The following PLCB1 variants were observed in gnomAD, a reference collection of about 807,000 sequenced individuals.
The protein encoded by PLCB1 is 1-phosphatidylinositol 4,5-bisphosphate phosphodiesterase beta-1.
In PLCB1, 46 loss-of-function variants were observed where a neutral mutation model predicts 161.8. The ratio of observed to expected loss-of-function variants is 0.28; its 90% CI spans 0.22 to 0.36. The LOEUF (loss-of-function observed/expected upper bound fraction) is 0.36, where lower values mean the gene tolerates loss of function less well. PLCB1 is among the 10% of genes least tolerant of loss of function. PLCB1 has a pLI of 1.00. For synonymous variants in PLCB1, 517 were observed against 503.7 expected, an observed-to-expected ratio of 1.03 and a Z score of -0.35; for missense variants, 1,016 against 1,472.5, an observed-to-expected ratio of 0.69 and a Z score of 5.07.
At chr20:8,784,647 T>C (rs191352682) in intron 27 of PLCB1, among the ~76,000 whole-genome samples, 2 of 151,878 alleles carry the variant, frequency 1.3e-5, no homozygotes, top group Admixed American at 6.6e-5. Flanking sequence ...CTGAGTACAG[T>C]AGGACATTTA....
intron 2 of PLCB1, among the ~76,000 whole-genome samples, chr20:8,180,032 G>A (rs2051824448): frequency 6.6e-6 from 1 of 151,420 alleles, no homozygotes; most frequent in Non-Finnish European, 1.5e-5. Flanking sequence ...CTAATTTTTT[G>A]TATTTTTAGT....
chr20:8,656,041 G>A (rs917548292), intron 7 of PLCB1, among the ~76,000 whole-genome samples: 1 of 152,002 alleles, frequency 6.6e-6, no homozygotes, highest in Non-Finnish European at 1.5e-5. Context: ...CAATTCACAA[G>A]AAGTCCCCAC....
At chr20:8,549,239 C>T (rs6039190) in intron 3 of PLCB1, among the ~76,000 whole-genome samples, 77,235 of 151,938 alleles carry the variant, frequency 0.51, 20,010 homozygotes, top group African/African-American at 0.54. Context: ...GGTACTGTTA[C>T]AGTTGATATA....
At chr20:8,211,612 A>T (rs1346730292) in intron 2 of PLCB1, among the ~76,000 whole-genome samples, 2 of 152,152 alleles carry the variant, frequency 1.3e-5, no homozygotes, top group African/African-American at 4.8e-5. Context: ...AGGATGCAGA[A>T]TGATGGATAT....
At chr20:8,797,349 C>T (rs1354570308) in intron 31 of PLCB1, among the ~76,000 whole-genome samples, 1 of 152,024 alleles carries the variant, frequency 6.6e-6, no homozygotes, top group Non-Finnish European at 1.5e-5. Flanking sequence ...TCTGCAAAAA[C>T]TCTAAACTAT....
Position 8,132,711 on chromosome 20 carries a change from C to T in PLCB1, c.60C>T (p.Asp20=). 6.2e-7 allele frequency: 1 copy of T among 1,613,074 alleles called. No homozygotes were observed. Among genetic ancestry groups the T allele is most frequent in the South Asian group, 1.1e-5 (1 of 91,046 alleles). ...AACTCAAGCCCGTGTGCGTGTCCGA[C>T]AGCCTCAAGAAGGGCACCAAATTCG... ...ALQLKPVCVS[D]SLKKGTKFVK... is the part of the protein sequence containing the mutation. The change falls in exon 1 of 32, where the codon GAC becomes GAT. Residue 20 remains aspartate (D), a synonymous_variant. Transcript: ENST00000338037. The surrounding 1 kb of genome is among the most constrained non-coding windows in gnomAD (Gnocchi z 5.2).
intron 2 of PLCB1, among the ~76,000 whole-genome samples, chr20:8,354,537 C>A (rs1986296841): frequency 6.6e-6 from 1 of 152,156 alleles, no homozygotes. Flanking sequence ...AACCTTACAA[C>A]ACAAGGCAAG....
At chr20:8,172,053 C>T (rs2051737978) in intron 2 of PLCB1, among the ~76,000 whole-genome samples, 1 of 152,118 alleles carries the variant, frequency 6.6e-6, no homozygotes, top group Non-Finnish European at 1.5e-5. Flanking sequence ...ACTGTAATCC[C>T]AGTAAGCTAT....
In PLCB1 at chr20:8,767,003, G is replaced by A. The variant is rs111869009; in HGVS notation, c.2930+1645G>A. Among the ~76,000 whole-genome samples, 371 of 152,226 alleles carry A rather than the reference G, an allele frequency of 2.4e-3. 2 individuals carry two copies. Among genetic ancestry groups the A allele is most frequent in the African/African-American group, 8.3e-3 (346 of 41,550 alleles). On this transcript the variant is annotated intron_variant, in intron 26 of 31. Transcript: ENST00000338037. ...ATTCTTGATTTGTTTTAAAAAGATC[G>A]TAAAATATGGGGTCAGAGGCCTGGA... is the stretch of plus-strand genomic sequence containing the variant.
intron 12 of PLCB1, among the ~76,000 whole-genome samples, chr20:8,711,873 A>C (rs1979036052): frequency 6.6e-6 from 1 of 152,186 alleles, no homozygotes; most frequent in Non-Finnish European, 1.5e-5. Context: ...CTAGACCAGC[A>C]AGACATCTGA....
intron 3 of PLCB1, among the ~76,000 whole-genome samples, chr20:8,494,603 T>C (rs1380419906): frequency 1.3e-5 from 2 of 152,242 alleles, no homozygotes; most frequent in Non-Finnish European, 2.9e-5. Context: ...TTTCTCATTC[T>C]GTAATTCTGA....
At position 8,250,384 on chromosome 20, in the gene PLCB1, CTA is replaced by C. The variant is rs761885034; in HGVS notation, c.177+100015_177+100016del. On this transcript the variant is annotated intron_variant, in intron 2 of 31. Transcript: ENST00000338037. ...TTGCTACTATAAATACCTGTATTGT[CTA>C]TGTTACAATTTTCGCATCTATTTTA... 4.0e-5 allele frequency among the ~76,000 whole-genome samples: 6 copies of C among 151,772 alleles called. No individual in the cohort carries two copies. The East Asian group carries it at 9.7e-4, about 25-fold the overall frequency.
intron 31 of PLCB1, among the ~76,000 whole-genome samples, chr20:8,828,709 A>C (rs1397081849): frequency 6.6e-6 from 1 of 152,200 alleles, no homozygotes; most frequent in Non-Finnish European, 1.5e-5. Context: ...GAGCCCTGCC[A>C]ACCTATTTGA....
intron 31 of PLCB1, among the ~76,000 whole-genome samples, chr20:8,853,557 A>C: frequency 6.6e-6 from 1 of 152,166 alleles, no homozygotes; most frequent in Non-Finnish European, 1.5e-5. Context: ...AAAGTATGTG[A>C]ATACACCACA....
intron 2 of PLCB1, among the ~76,000 whole-genome samples, chr20:8,319,037 AC>A (rs1433301509): frequency 6.6e-6 from 1 of 152,078 alleles, no homozygotes; most frequent in East Asian, 1.9e-4. Flanking sequence ...TACCTACTCA[AC>A]TTATCTTTTA....
At chr20:8,607,644 A>C (rs1263773593) in intron 3 of PLCB1, among the ~76,000 whole-genome samples, 1 of 151,940 alleles carries the variant, frequency 6.6e-6, no homozygotes, top group East Asian at 1.9e-4. Flanking sequence ...TCATTATTTT[A>C]CCTTACCCCA....
At chr20:8,506,121 A>C (rs1983626499) in intron 3 of PLCB1, among the ~76,000 whole-genome samples, 1 of 152,338 alleles carries the variant, frequency 6.6e-6, no homozygotes, top group East Asian at 1.9e-4. Context: ...TTAACATAAC[A>C]CTTGAGCCAA....
In PLCB1 at chr20:8,215,653, G is replaced by A. The variant is rs75829030; in HGVS notation, c.177+65282G>A. Among the ~76,000 whole-genome samples, 476 of 152,060 alleles carry A rather than the reference G, an allele frequency of 3.1e-3. 18 individuals carry two copies. The East Asian group carries it at 0.075, about 24-fold the overall frequency. On this transcript the variant is annotated intron_variant, in intron 2 of 31. Transcript: ENST00000338037. ...TTGTGAACATTTAGAGTTTTTGTAC[G>A]TCTTGACAAATTTGTGTTCATCAGG...
chr20:8,742,301 A>G (rs1298093913), intron 23 of PLCB1, among the ~76,000 whole-genome samples: 1 of 152,132 alleles, frequency 6.6e-6, no homozygotes, highest in African/African-American at 2.4e-5. Flanking sequence ...ATTCAGAGGA[A>G]AAACTCGAGA....
Sources: allele counts gnomAD v4.1 joint callset (sites outside exome capture counted in the v4.1 genomes callset), GRCh38; gene constraint gnomAD v4.1.1; non-coding constraint Gnocchi (gnomAD v3.1); transcripts MANE v1.5; gene names NCBI Gene and HGNC (gene_info 2026-07-23, HGNC 2026-07-21).